Variants in ZNF577 observed in about 807,000 individuals in gnomAD.
ZNF577 encodes zinc finger protein 577.
In ZNF577, 14 loss-of-function variants were observed where a neutral mutation model predicts 13.9. The ratio of observed to expected loss-of-function variants is 1.00; its 90% CI spans 0.66 to 1.57. The LOEUF is 1.57. ZNF577 is among the 40% of genes most tolerant of loss of function. The pLI is 0.00. For missense variants in ZNF577, 555 were observed against 579.2 expected (o/e 0.96, Z 0.43); for synonymous variants, 203 against 202.9 (o/e 1.00, Z 0.00).
intron 5 of ZNF577, among the ~76,000 whole-genome samples, chr19:51,857,171 C>T (rs1203578850): frequency 3.9e-5 from 6 of 152,064 alleles, no homozygotes; most frequent in East Asian, 3.9e-4. Flanking sequence ...TGATGGCGCA[C>T]GCCTGTAGTC....
In ZNF577 at chr19:51,824,859, G is replaced by GAA; in HGVS notation, c.*600-13187_*600-13186dup. ...GTCTCTTTCTACCCTGCGTTAAGCG[G>GAA]AAAAAAAAAATTCTGACAGTGTTTT... On this transcript the variant is annotated intron_variant and NMD_transcript_variant, in intron 9 of 10. Transcript: ENST00000638827. This position sits in a 1 kb window ranked among gnomAD's most constrained non-coding sequence, Gnocchi z 4.7. 4.4e-6 allele frequency: 6 copies of GAA among 1,352,018 alleles called. No homozygotes were observed. The highest frequency in any genetic ancestry group is 1.5e-5 in the South Asian group (1 of 67,802). The allele number at this position is 1,352,018 out of a possible 1,614,324, so 83.8% of individuals were successfully genotyped here.
At chr19:51,857,066 C>T (rs961514723) in intron 5 of ZNF577, among the ~76,000 whole-genome samples, 18 of 151,992 alleles carry the variant, frequency 1.2e-4, no homozygotes, top group South Asian at 4.2e-4. Context: ...TTTGGGAGGC[C>T]GAGGCAGGCG....
rs151307303 is a variant in ZNF577 at position 51,872,841 on chromosome 19, A to G, written c.1149T>C (p.Asn383=). 1.1e-4 allele frequency: 175 copies of G among 1,614,088 alleles called. No homozygotes were observed. The highest frequency in any genetic ancestry group is 1.4e-4 in the Non-Finnish European group (169 of 1,180,042). The change falls in exon 6 of 6, where the codon AAT becomes AAC. Residue 383 remains asparagine (N), a synonymous_variant. Transcript: ENST00000638348. ...AGGAAGGTTTCTCCACCGTCAGTGA[A>G]TTTATGGCTGTCTCTCTTATGTGAG... The part of the protein sequence containing the change: ...EKTHIRETAI[N]SLTVEKPSSR...
chr19:51,833,280 ATCTTATTTGTTTCC>A (rs1321034258), intron 9 of ZNF577, among the ~76,000 whole-genome samples: 1 of 122,082 alleles, frequency 8.2e-6, no homozygotes, highest in Non-Finnish European at 1.8e-5. Context: ...CACGGGAATC[ATCTTATTTGTTTCC>A]CCTTTTTTGG....
At chr19:51,877,216 C>T in intron 5 of ZNF577, 66 bp downstream of exon 5, 3 of 1,405,188 alleles carry the variant, frequency 2.1e-6, no homozygotes, top group Non-Finnish European at 3.0e-6. Context: ...AAAGCATCAA[C>T]CCTTCTCCGA....
At chr19:51,853,453 A>G (rs1452889849) in intron 5 of ZNF577, among the ~76,000 whole-genome samples, 1 of 152,192 alleles carries the variant, frequency 6.6e-6, no homozygotes, top group African/African-American at 2.4e-5. Flanking sequence ...CCTAAGATTT[A>G]ACATTTTTTC....
intron 1 of ZNF577, among the ~76,000 whole-genome samples, chr19:51,885,556 G>A (rs1340506836): frequency 1.3e-5 from 2 of 152,100 alleles, no homozygotes; most frequent in East Asian, 3.9e-4. Context: ...TTGTTGCCTA[G>A]GCTGGAGTGC....
downstream of ZNF577, among the ~76,000 whole-genome samples, chr19:51,863,870 G>A (rs1599861782): frequency 1.3e-5 from 2 of 152,130 alleles, no homozygotes; most frequent in African/African-American, 4.8e-5. Flanking sequence ...TGACTAGAAA[G>A]TTACCTAGCT....
chr19:51,849,196 A>T (rs2084368485), intron 5 of ZNF577, among the ~76,000 whole-genome samples: 1 of 152,200 alleles, frequency 6.6e-6, no homozygotes, highest in African/African-American at 2.4e-5. Context: ...AGAAAGGGTA[A>T]GTTTAACAAA....
chr19:51,876,217 A>G (rs571733628), intron 5 of ZNF577, among the ~76,000 whole-genome samples: 18 of 152,214 alleles, frequency 1.2e-4, no homozygotes, highest in Non-Finnish European at 2.6e-4. Context: ...AATCTTTAGT[A>G]TATGTGAGTA....
chr19:51,842,117 G>C (rs1448602810), intron 8 of ZNF577, among the ~76,000 whole-genome samples: 1 of 152,206 alleles, frequency 6.6e-6, no homozygotes. Context: ...AATATTGGTA[G>C]GAGGTGAAGG....
intron 5 of ZNF577, among the ~76,000 whole-genome samples, chr19:51,848,003 C>T (rs1245831796): frequency 1.3e-5 from 2 of 152,194 alleles, no homozygotes; most frequent in Non-Finnish European, 1.5e-5. Context: ...CGCCCAAGCC[C>T]TGACATGCTG....
intron 5 of ZNF577, among the ~76,000 whole-genome samples, chr19:51,852,941 TTTTC>T (rs2084386604): frequency 6.6e-6 from 1 of 151,726 alleles, no homozygotes; most frequent in African/African-American, 2.4e-5. Flanking sequence ...TTCTTTTTTT[TTTTC>T]TTTGAGACAG....
intron 5 of ZNF577, among the ~76,000 whole-genome samples, chr19:51,875,869 G>A (rs2084753886): frequency 6.6e-6 from 1 of 152,220 alleles, no homozygotes; most frequent in South Asian, 2.1e-4. Flanking sequence ...ACTGTGAAGT[G>A]GGACTTCAAG....
At chr19:51,823,952 C>T in intron 9 of ZNF577, 1 of 1,614,026 alleles carries the variant, frequency 6.2e-7, no homozygotes, top group Non-Finnish European at 8.5e-7. Flanking sequence ...TGAACCTGGC[C>T]CTAGCTGACT....
chr19:51,860,257 C>G (rs1568443132), intron 5 of ZNF577: 1 of 152,202 alleles, frequency 6.6e-6, no homozygotes, highest in Non-Finnish European at 1.5e-5. Flanking sequence ...ACCACTTTCA[C>G]TGCATTCATA....
chr19:51,828,799 T>A (rs1014991237), intron 9 of ZNF577, among the ~76,000 whole-genome samples: 1 of 152,172 alleles, frequency 6.6e-6, no homozygotes, highest in African/African-American at 2.4e-5. Flanking sequence ...TTTGTGCAAC[T>A]TAGTACTGCT....
At position 51,885,728 on chromosome 19, in the gene ZNF577, G is replaced by A. The variant is rs552266973; in HGVS notation, c.-219+1093C>T. 8.5e-5 allele frequency among the ~76,000 whole-genome samples: 13 copies of A among 152,146 alleles called. No homozygotes were observed. In the South Asian group the frequency reaches 1.2e-3, roughly 15 times the overall value. ...TTTCATCATGTTGGCCAGATGTCTC[G>A]AACTCCTGATCTCAGGTGATCTATC... On this transcript the variant is annotated intron_variant, in intron 1 of 5. Coordinates refer to ENST00000638348, the MANE Select transcript of ZNF577 (RefSeq NM_001370449.1).
intron 5 of ZNF577, chr19:51,855,659 C>T (rs898396546): frequency 2.0e-5 from 3 of 152,130 alleles, no homozygotes; most frequent in Non-Finnish European, 4.4e-5. Flanking sequence ...TGCTCCCTAA[C>T]GGTACTGCAG....
Sources: gnomAD v4.1 joint callset for allele counts (sites outside exome capture counted in the v4.1 genomes callset) on GRCh38, gnomAD v4.1.1 for gene constraint, Gnocchi (gnomAD v3.1) non-coding constraint, MANE v1.5 for transcripts, NCBI Gene and HGNC (gene_info 2026-07-23, HGNC 2026-07-21) for gene names.